Variants in AKT3 observed in about 807,000 individuals in gnomAD.
The protein encoded by AKT3 is RAC-gamma serine/threonine-protein kinase.
AKT3 carries 15 observed loss-of-function variants against 65.3 expected under a neutral mutation model. That is an observed-to-expected ratio of 0.23 (90% CI 0.15 to 0.35). The LOEUF (loss-of-function observed/expected upper bound fraction) is 0.35. Among genes scored for constraint, AKT3 ranks in the 10% least tolerant of loss-of-function variants. The pLI is 1.00. For missense variants in AKT3, 243 were observed against 576.5 expected (o/e 0.42, Z 5.92); for synonymous variants, 206 against 183.8 (o/e 1.12, Z -0.98).
intron 3 of AKT3, among the ~76,000 whole-genome samples, chr1:243,672,946 A>G (rs1185705132): frequency 6.6e-6 from 1 of 152,220 alleles, no homozygotes; most frequent in Non-Finnish European, 1.5e-5. Flanking sequence ...TCATTTTGAG[A>G]CAATAGTTAA....
At chr1:243,708,664 CAAT>C (rs1393231618) in intron 2 of AKT3, among the ~76,000 whole-genome samples, 1 of 151,846 alleles carries the variant, frequency 6.6e-6, no homozygotes, top group Non-Finnish European at 1.5e-5. Context: ...ATCCAAAATA[CAAT>C]AAAATAAAAA....
At chr1:243,613,636 T>A in intron 8 of AKT3, 35 bp downstream of exon 8, 1 of 1,454,942 alleles carries the variant, frequency 6.9e-7, no homozygotes, top group Non-Finnish European at 9.4e-7. Flanking sequence ...ATGAAAATAC[T>A]ACCATGCAAA....
intron 8 of AKT3, among the ~76,000 whole-genome samples, chr1:243,585,140 C>CCA (rs956854694): frequency 5.9e-5 from 9 of 151,676 alleles, no homozygotes; most frequent in Admixed American, 5.3e-4. Flanking sequence ...TTTACAATAG[C>CCA]CACACACACA....
At chr1:243,593,380 T>C (rs1478439668) in intron 8 of AKT3, among the ~76,000 whole-genome samples, 2 of 152,214 alleles carry the variant, frequency 1.3e-5, no homozygotes, top group African/African-American at 4.8e-5. Context: ...TGAATGTCAA[T>C]GTAATTTATC....
chr1:243,796,364 G>A (rs1470521457), intron 2 of AKT3, among the ~76,000 whole-genome samples: 2 of 152,188 alleles, frequency 1.3e-5, no homozygotes, highest in Non-Finnish European at 2.9e-5. Flanking sequence ...CTCAAAGTCC[G>A]ATCACAGACT....
At chr1:243,568,432 GGA>G (rs979892198) in intron 9 of AKT3, among the ~76,000 whole-genome samples, 4 of 151,136 alleles carry the variant, frequency 2.6e-5, no homozygotes, top group Admixed American at 1.3e-4. Context: ...ATGCTTTTGA[GGA>G]GAGAGAAAAA....
chr1:243,654,707 T>G (rs1681629980), intron 4 of AKT3, among the ~76,000 whole-genome samples: 1 of 152,200 alleles, frequency 6.6e-6, no homozygotes, highest in Non-Finnish European at 1.5e-5. Context: ...TTCAGAACTT[T>G]GGGGATATCA....
intron 12 of AKT3, among the ~76,000 whole-genome samples, chr1:243,536,856 A>T (rs1184106294): frequency 6.6e-6 from 1 of 152,176 alleles, no homozygotes; most frequent in Non-Finnish European, 1.5e-5. Context: ...CCCCAAGTTT[A>T]AAAGTGGGCC....
chr1:243,638,298 A>C (rs898419011), intron 5 of AKT3, among the ~76,000 whole-genome samples: 1 of 152,158 alleles, frequency 6.6e-6, no homozygotes, highest in Non-Finnish European at 1.5e-5. Context: ...CTGAGAGAGT[A>C]CTTTATGCAA....
intron 2 of AKT3, among the ~76,000 whole-genome samples, chr1:243,840,276 A>C (rs1351010651): frequency 6.6e-6 from 1 of 152,102 alleles, no homozygotes; most frequent in African/African-American, 2.4e-5. Flanking sequence ...GTACAAAGAG[A>C]GCGTAAGAAA....
intron 12 of AKT3, among the ~76,000 whole-genome samples, chr1:243,524,089 C>T (rs754804980): frequency 1.3e-5 from 2 of 152,168 alleles, no homozygotes; most frequent in African/African-American, 2.4e-5. Flanking sequence ...GTGCTGAATA[C>T]GGTAGGCAAC....
chr1:243,773,207 AATAT>A (rs560934821), intron 2 of AKT3, among the ~76,000 whole-genome samples: 2 of 145,292 alleles, frequency 1.4e-5, no homozygotes, highest in East Asian at 3.9e-4. Context: ...ATATATAAAA[AATAT>A]ATATATATAT....
intron 12 of AKT3, among the ~76,000 whole-genome samples, chr1:243,516,782 T>C (rs1044272047): frequency 6.6e-6 from 1 of 152,106 alleles, no homozygotes; most frequent in Non-Finnish European, 1.5e-5. Context: ...TAATATTTTG[T>C]TATTTAGAGA....
chr1:243,708,649 A>C (rs1470158132), intron 2 of AKT3, among the ~76,000 whole-genome samples: 1 of 152,048 alleles, frequency 6.6e-6, no homozygotes, highest in Non-Finnish European at 1.5e-5. Flanking sequence ...AGTATCACTG[A>C]AGTCATCCAA....
At chr1:243,509,085 T>G (rs1461600725) in intron 13 of AKT3, among the ~76,000 whole-genome samples, 1 of 152,206 alleles carries the variant, frequency 6.6e-6, no homozygotes, top group African/African-American at 2.4e-5. Flanking sequence ...GAAGTGAACC[T>G]ATTATCATTT....
intron 8 of AKT3, among the ~76,000 whole-genome samples, chr1:243,579,361 T>C (rs1396783131): frequency 2.0e-5 from 3 of 152,026 alleles, no homozygotes; most frequent in African/African-American, 7.3e-5. Flanking sequence ...GAAGGCAGAA[T>C]CTTAGGGTAC....
At chr1:243,801,353 A>G (rs1692370199) in intron 2 of AKT3, among the ~76,000 whole-genome samples, 1 of 152,244 alleles carries the variant, frequency 6.6e-6, no homozygotes, top group Admixed American at 6.5e-5. Context: ...TCACTACTTA[A>G]AAACCATTAA....
At chr1:243,532,970 T>C (rs1287605607) in intron 12 of AKT3, among the ~76,000 whole-genome samples, 2 of 152,238 alleles carry the variant, frequency 1.3e-5, no homozygotes, top group African/African-American at 2.4e-5. Context: ...TAACCCTTTC[T>C]ATTTCTCTCA....
chr1:243,706,050 T>C (rs886216493), intron 2 of AKT3, among the ~76,000 whole-genome samples: 6 of 152,328 alleles, frequency 3.9e-5, no homozygotes, highest in African/African-American at 1.4e-4. Context: ...TTTTACCACC[T>C]TATATTATCT....
Sources: allele counts gnomAD v4.1 joint callset (sites outside exome capture counted in the v4.1 genomes callset), GRCh38; gene constraint gnomAD v4.1.1; transcripts MANE v1.5; gene names NCBI Gene and HGNC (gene_info 2026-07-23, HGNC 2026-07-21).